Variants in PDXDC1 observed in about 807,000 individuals in gnomAD.
PDXDC1 encodes pyridoxal-dependent decarboxylase domain-containing protein 1.
In PDXDC1, 42 loss-of-function variants were observed where a neutral mutation model predicts 100.1. That is an observed-to-expected ratio of 0.42 (90% CI 0.33 to 0.54). The LOEUF is 0.54. Among genes scored for constraint, PDXDC1 ranks in the 20% least tolerant of loss-of-function variants. The pLI is 0.10. For missense variants in PDXDC1, 636 were observed against 979.2 expected, an observed-to-expected ratio of 0.65 and a Z score of 4.68; for synonymous variants, 260 against 371.7, an observed-to-expected ratio of 0.70 and a Z score of 3.46.
At chr16:14,995,138 C>T (rs1448080950) in intron 1 of PDXDC1, among the ~76,000 whole-genome samples, 1 of 152,296 alleles carries the variant, frequency 6.6e-6, no homozygotes, top group African/African-American at 2.4e-5. Context: ...TTATTTCCTT[C>T]TCCTGCCTCA....
intron 19 of PDXDC1, 77 bp downstream of exon 19, chr16:15,033,476 C>G: frequency 6.6e-7 from 1 of 1,504,314 alleles, no homozygotes. Flanking sequence ...AGGAAAGCAG[C>G]TGCCCTTGGG....
At chr16:14,981,928 A>G (rs1373597079) in intron 1 of PDXDC1, among the ~76,000 whole-genome samples, 1 of 152,114 alleles carries the variant, frequency 6.6e-6, no homozygotes, top group East Asian at 1.9e-4. Flanking sequence ...CTCTGGGTTC[A>G]AGCAATTCTC....
chr16:15,104,772 G>T (rs764126342), intron 16 of PDXDC1: 26 of 1,592,194 alleles, frequency 1.6e-5, no homozygotes, highest in East Asian at 4.5e-5. Context: ...TAGGGCCAAA[G>T]GAGGGAATGT....
intron 16 of PDXDC1, chr16:15,044,240 C>G (rs1169992709): frequency 6.1e-6 from 5 of 818,942 alleles, no homozygotes; most frequent in Non-Finnish European, 6.1e-6. Context: ...GTGTGCCCTT[C>G]TTGGGTTTTG....
chr16:15,040,087 A>T, downstream of PDXDC1: 1 of 1,386,788 alleles, frequency 7.2e-7, no homozygotes, highest in Admixed American at 1.8e-5. Flanking sequence ...CAACAGGATG[A>T]CTCTGAATTG....
chr16:15,068,117 A>C, intron 16 of PDXDC1: 2 of 1,488,402 alleles, frequency 1.3e-6, no homozygotes, highest in Non-Finnish European at 9.1e-7. Flanking sequence ...CTAGATAAAC[A>C]TAAATAAAAA....
At chr16:15,090,846 A>G (rs1276301582) in intron 16 of PDXDC1, among the ~76,000 whole-genome samples, 1 of 151,546 alleles carries the variant, frequency 6.6e-6, no homozygotes, top group Non-Finnish European at 1.5e-5. Context: ...GTGTATCTCG[A>G]ACCTGGAAAT....
chr16:15,127,517 G>C (rs1295996674), intron 16 of PDXDC1: 33 of 1,533,558 alleles, frequency 2.2e-5, no homozygotes, highest in Non-Finnish European at 2.6e-5. Context: ...AGGTAGACGG[G>C]ATAGACAACC....
intron 19 of PDXDC1, 59 bp from the exon 20 acceptor site, chr16:15,034,227 T>C: frequency 2.1e-6 from 3 of 1,457,722 alleles, no homozygotes; most frequent in Non-Finnish European, 2.9e-6. Context: ...TGTTACTAGC[T>C]CTTCTGGGCC....
intron 5 of PDXDC1, among the ~76,000 whole-genome samples, chr16:15,005,086 C>T (rs559869009): frequency 2.1e-4 from 32 of 152,366 alleles, no homozygotes; most frequent in African/African-American, 6.7e-4. Flanking sequence ...AGGCCAGGCA[C>T]GGTGGCTCAC....
intron 16 of PDXDC1, chr16:15,047,525 A>C (rs367755556): frequency 6.2e-7 from 1 of 1,613,864 alleles, no homozygotes; most frequent in Non-Finnish European, 8.5e-7. Context: ...TTCCGTCACA[A>C]TGTGTCAAGC....
chr16:15,022,200 C>T (rs1249054110), intron 12 of PDXDC1, among the ~76,000 whole-genome samples: 2 of 152,292 alleles, frequency 1.3e-5, no homozygotes, highest in African/African-American at 2.4e-5. Context: ...TTAATCCTCA[C>T]AGCAATGTGA....
At chr16:15,004,954 T>C (rs1297662511) in intron 5 of PDXDC1, among the ~76,000 whole-genome samples, 5 of 152,306 alleles carry the variant, frequency 3.3e-5, no homozygotes, top group African/African-American at 1.2e-4. Context: ...CCCATCTTTT[T>C]AAATTTCTGA....
chr16:15,104,792 T>G (rs769335388), intron 16 of PDXDC1: 1 of 1,567,958 alleles, frequency 6.4e-7, no homozygotes, highest in Non-Finnish European at 8.6e-7. Flanking sequence ...TTTTCACACA[T>G]ATTCATTTGA....
At chr16:15,056,033 G>A in intron 16 of PDXDC1, 1 of 736,126 alleles carries the variant, frequency 1.4e-6, no homozygotes, top group Non-Finnish European at 1.7e-6. Context: ...GCAGCCCCGG[G>A]CCGCCCGCCG....
chr16:15,108,124 G>A (rs1438528394), intron 16 of PDXDC1: 11 of 848,298 alleles, frequency 1.3e-5, no homozygotes, highest in Non-Finnish European at 1.6e-5. Flanking sequence ...GGTGACAACT[G>A]CAAACCATCC....
intron 21 of PDXDC1, 39 bp from the exon 22 acceptor site, chr16:15,035,408 CTG>C (rs2043353091): frequency 8.1e-7 from 1 of 1,235,618 alleles, no homozygotes; most frequent in Non-Finnish European, 1.1e-6. Flanking sequence ...CAAGGGCAGC[CTG>C]TGCCTGTAGC....
At chr16:15,111,117 G>A (rs561905430) in intron 16 of PDXDC1, among the ~76,000 whole-genome samples, 1 of 111,166 alleles carries the variant, frequency 9.0e-6, no homozygotes, top group South Asian at 3.4e-4. Flanking sequence ...GACAGAATGA[G>A]ACTCTGTCAC....
chr16:15,041,229 G>A, downstream of PDXDC1: 1 of 741,038 alleles, frequency 1.3e-6, no homozygotes, highest in Non-Finnish European at 2.4e-6. Flanking sequence ...AGAAAGGGAG[G>A]AAAATTCCAG....
Sources: allele counts gnomAD v4.1 joint callset (sites outside exome capture counted in the v4.1 genomes callset), GRCh38; gene constraint gnomAD v4.1.1; transcripts MANE v1.5; gene names NCBI Gene and HGNC (gene_info 2026-07-23, HGNC 2026-07-21).